NSF: variants seen among roughly 807,000 people sequenced by gnomAD.
NSF encodes vesicle-fusing ATPase.
NSF carries 14 observed loss-of-function variants against 50.3 expected under a neutral mutation model. That is an observed-to-expected ratio of 0.28 (90% CI 0.18 to 0.44). The LOEUF is 0.44. Ranked by LOEUF, NSF falls within the 20% of genes least tolerant of loss-of-function variation. The probability of loss-of-function intolerance (pLI) is 1.00; values close to 1 mark genes in which losing one functional copy is unlikely to be tolerated. For missense variants in NSF, 218 were observed against 504.3 expected (o/e 0.43, Z 5.44); for synonymous variants, 109 against 175.7 (o/e 0.62, Z 3.00).
At chr17:46,752,494 C>T (rs2059191191) in intron 19 of NSF, among the ~76,000 whole-genome samples, 1 of 151,992 alleles carries the variant, frequency 6.6e-6, no homozygotes, top group Non-Finnish European at 1.5e-5. Flanking sequence ...CTCGCTCTGT[C>T]TCCCAGGCCG....
intron 8 of NSF, among the ~76,000 whole-genome samples, chr17:46,655,912 T>TAA (rs139254433): frequency 9.3e-6 from 1 of 107,696 alleles, no homozygotes; most frequent in Non-Finnish European, 1.8e-5. Context: ...AATGAATCTT[T>TAA]AAAAAAAAAA....
At chr17:46,728,472 T>C (rs1171574523) in intron 16 of NSF, among the ~76,000 whole-genome samples, 1 of 151,956 alleles carries the variant, frequency 6.6e-6, no homozygotes, top group African/African-American at 2.4e-5. Context: ...TCAAAAAATT[T>C]ATAGAGCCGA....
In NSF at chr17:46,755,314, A is replaced by G. The variant is rs1250035368; in HGVS notation, c.2158A>G (p.Met720Val). The G allele has an allele frequency of 6.8e-6, 11 of 1,612,260 alleles. No homozygotes were observed. The highest frequency in any genetic ancestry group is 9.3e-6 in the Non-Finnish European group (11 of 1,178,204). The stretch of plus-strand genomic sequence containing the variant: ...TCTTCATTTCTTCTGATGTATTTAG[A>G]TGGATCCTGAATACCGTGTGAGAAA... ...LLMLIEMSLQ[M>V]DPEYRVRKFL... Residue 720 changes from methionine to valine, a missense_variant and splice_region_variant, in exon 20 of 21, where the codon ATG (methionine) becomes GTG (valine). By Grantham distance (21) the Met-to-Val change is conservative. Around this residue, in one of 2 missense-constraint regions of NSF, gnomAD observed 209 missense variants for 320.9 expected, o/e 0.65. Transcript: ENST00000398238.
At chr17:46,622,224 G>A (rs1156767395) in intron 1 of NSF, among the ~76,000 whole-genome samples, 3 of 144,052 alleles carry the variant, frequency 2.1e-5, no homozygotes, top group Non-Finnish European at 4.5e-5. Flanking sequence ...TTGGGAGACC[G>A]AGGTGGGTGG....
At chr17:46,691,691 T>A (rs1490509669) in intron 9 of NSF, among the ~76,000 whole-genome samples, 1 of 151,766 alleles carries the variant, frequency 6.6e-6, no homozygotes, top group Admixed American at 6.5e-5. Flanking sequence ...CTCATTTAAT[T>A]TTTATTATCC....
At chr17:46,615,548 C>A (rs1004526538) in intron 1 of NSF, among the ~76,000 whole-genome samples, 1 of 8,856 alleles carries the variant, frequency 1.1e-4, no homozygotes, top group Non-Finnish European at 1.8e-4. Context: ...GAAACCCCAT[C>A]TCTACAAAAA....
At chr17:46,635,814 T>TGTGTGTGTGTGTGTGTGTGTGCTC (rs2058182051) in intron 4 of NSF, among the ~76,000 whole-genome samples, 1 of 141,992 alleles carries the variant, frequency 7.0e-6, no homozygotes, top group African/African-American at 2.6e-5. Flanking sequence ...TGTGTGTGTG[T>TGTGTGTGTGTGTGTGTGTGTGCTC]GTGTGCTCGT....
intron 1 of NSF, among the ~76,000 whole-genome samples, chr17:46,610,109 C>CTG (rs2058001774): frequency 1.7e-5 from 2 of 119,708 alleles, no homozygotes. Flanking sequence ...TTCTCTCTCT[C>CTG]TCTCTCTCTC....
chr17:46,732,194 A>G (rs1416435649), intron 17 of NSF, among the ~76,000 whole-genome samples: 11 of 152,246 alleles, frequency 7.2e-5, no homozygotes, highest in Admixed American at 1.3e-4. Context: ...TACAGTAATC[A>G]TATCAGTCAC....
In NSF at chr17:46,716,471, A is replaced by G. The variant is rs551253548; in HGVS notation, c.1761+2485A>G. ...ATGGGGTTTCACCGTGTTAGCCAGG[A>G]TGGTCTTGATCTCCTGACCTCATGA... On this transcript the variant is annotated intron_variant, in intron 15 of 20. Coordinates refer to ENST00000398238, the MANE Select transcript of NSF (RefSeq NM_006178.4). Among the ~76,000 whole-genome samples, 8 of 152,152 alleles carry G rather than the reference A, an allele frequency of 5.3e-5. No individual in the cohort carries two copies. In the South Asian group the frequency reaches 1.7e-3, roughly 32 times the overall value.
intron 9 of NSF, among the ~76,000 whole-genome samples, chr17:46,690,624 A>ATAT (rs1555672588): frequency 4.7e-3 from 525 of 110,862 alleles, no homozygotes; most frequent in Non-Finnish European, 7.1e-3. Flanking sequence ...AAAAAAAAAA[A>ATAT]ATATATATAT....
intron 19 of NSF, among the ~76,000 whole-genome samples, chr17:46,753,269 A>T (rs1047959453): frequency 3.9e-5 from 6 of 152,208 alleles, no homozygotes; most frequent in Admixed American, 6.5e-5. Flanking sequence ...GGCAGAGGTG[A>T]AGTTTCTGTT....
chr17:46,713,803 C>G (rs1422102519), intron 14 of NSF, 50 bp from the exon 15 acceptor site: 1 of 1,580,538 alleles, frequency 6.3e-7, no homozygotes, highest in African/African-American at 1.4e-5. Flanking sequence ...TTTTATTTCC[C>G]TTTGCTTAGG....
chr17:46,729,048 G>T, intron 17 of NSF, 114 bp downstream of exon 17: 1 of 675,336 alleles, frequency 1.5e-6, no homozygotes, highest in Non-Finnish European at 2.4e-6. Flanking sequence ...TTCTGTTGTT[G>T]AAAGGATTTT....
At chr17:46,676,208 G>A (rs1348559051) in intron 9 of NSF, among the ~76,000 whole-genome samples, 1 of 146,132 alleles carries the variant, frequency 6.8e-6, no homozygotes, top group Non-Finnish European at 1.5e-5. Flanking sequence ...TGGAAGCTGG[G>A]AAATCTCCTA....
intron 17 of NSF, among the ~76,000 whole-genome samples, chr17:46,733,388 G>C (rs2146304838): frequency 6.6e-6 from 1 of 152,042 alleles, no homozygotes; most frequent in South Asian, 2.1e-4. Context: ...GTCTGAAAAG[G>C]AACTCCTTGG....
At chr17:46,738,370 T>C (rs187444642) in intron 17 of NSF, among the ~76,000 whole-genome samples, 6 of 152,350 alleles carry the variant, frequency 3.9e-5, no homozygotes, top group African/African-American at 9.6e-5. Context: ...GGCTTCATTT[T>C]TTCTAAATGA....
intron 4 of NSF, among the ~76,000 whole-genome samples, chr17:46,635,818 T>TGTGTGTGTGTGTGTGC (rs1208936942): frequency 7.2e-6 from 1 of 138,448 alleles, no homozygotes; most frequent in African/African-American, 2.7e-5. Context: ...TGTGTGTGTG[T>TGTGTGTGTGTGTGTGC]GCTCGTGTGT....
chr17:46,730,061 TTAAG>T (rs2058933889), intron 17 of NSF, among the ~76,000 whole-genome samples: 2 of 152,106 alleles, frequency 1.3e-5, no homozygotes, highest in African/African-American at 4.8e-5. Context: ...CAATATTTTC[TTAAG>T]TAAGTAAACG....
Sources: allele counts gnomAD v4.1 joint callset (sites outside exome capture counted in the v4.1 genomes callset), GRCh38; gene constraint gnomAD v4.1.1; regional missense constraint gnomAD v4.1.1; transcripts MANE v1.5; gene names NCBI Gene and HGNC (gene_info 2026-07-23, HGNC 2026-07-21).